PVALB: variants seen among roughly 807,000 people sequenced by gnomAD.
PVALB encodes parvalbumin alpha.
PVALB carries 11 observed loss-of-function variants against 10.9 expected under a neutral mutation model. The ratio of observed to expected loss-of-function variants is 1.01; its 90% confidence interval spans 0.63 to 1.67. The LOEUF (loss-of-function observed/expected upper bound fraction) is 1.67, where lower values mean the gene tolerates loss of function less well. Ranked by LOEUF, PVALB falls within the 40% of genes most tolerant of loss-of-function variation. The pLI is 0.00. For missense variants in PVALB, 131 were observed against 136.2 expected, an observed-to-expected ratio of 0.96 and a Z score of 0.19; for synonymous variants, 57 against 50.7, an observed-to-expected ratio of 1.12 and a Z score of -0.53.
chr22:36,817,077 T>TA, upstream of PVALB: 1 of 1,442,724 alleles, frequency 6.9e-7, no homozygotes, highest in Non-Finnish European at 9.5e-7. Context: ...TTTCTGCTCA[T>TA]ATGACCAGCG....
At chr22:36,811,667 A>C (rs1315943249) in intron 3 of PVALB, 2 of 391,372 alleles carry the variant, frequency 5.1e-6, no homozygotes, top group Non-Finnish European at 1.0e-5. Flanking sequence ...GACCCAGCCC[A>C]GGGCTTCTGA....
chr22:36,802,903 T>G lies in PVALB; in HGVS notation c.305-1985A>C, dbSNP rs1203436621. Among the ~76,000 whole-genome samples, 2 of 152,116 alleles carry G rather than the reference T, an allele frequency of 1.3e-5. 1 individual carries two copies. Among genetic ancestry groups the G allele is most frequent in the Non-Finnish European group, 2.9e-5 (2 of 68,014 alleles). The stretch of plus-strand genomic sequence containing the variant: ...TAAATACCAAAACAACAAATACTCG[T>G]ACAGAATCCCTCCCATAGGGCAGGC... On this transcript the variant is annotated intron_variant, in intron 3 of 3. Transcript: ENST00000417718.
chr22:36,805,156 C>A (rs1159416540), intron 3 of PVALB, among the ~76,000 whole-genome samples: 4 of 152,132 alleles, frequency 2.6e-5, no homozygotes, highest in African/African-American at 4.8e-5. Flanking sequence ...CTAGAAGACG[C>A]CTTTCCAGCT....
At chr22:36,806,644 G>C (rs1274982646) in intron 3 of PVALB, among the ~76,000 whole-genome samples, 1 of 152,128 alleles carries the variant, frequency 6.6e-6, no homozygotes, top group Non-Finnish European at 1.5e-5. Flanking sequence ...ATCTCAAACA[G>C]GGATCACCTT....
At chr22:36,810,173 G>C (rs1345075810) in intron 3 of PVALB, among the ~76,000 whole-genome samples, 2 of 152,342 alleles carry the variant, frequency 1.3e-5, no homozygotes, top group East Asian at 3.9e-4. Context: ...ATGAGCCACT[G>C]CGCCCGGCAT....
upstream of PVALB, chr22:36,818,257 G>A (rs1939180231): frequency 6.6e-6 from 1 of 152,340 alleles, no homozygotes; most frequent in African/African-American, 2.4e-5. Flanking sequence ...GCAACTTAAG[G>A]TATTGGCAGG....
At chr22:36,818,304 G>A (rs1054434202), upstream of PVALB, 7 of 152,402 alleles carry the variant, frequency 4.6e-5, no homozygotes, top group African/African-American at 1.4e-4. Flanking sequence ...CCTGGGTGGT[G>A]GGGACCAGGG....
At chr22:36,811,030 C>G (rs1939037692) in intron 3 of PVALB, among the ~76,000 whole-genome samples, 2 of 152,336 alleles carry the variant, frequency 1.3e-5, no homozygotes, top group Admixed American at 6.5e-5. Context: ...AACCCCAGCA[C>G]TTTGGGAGGC....
intron 3 of PVALB, among the ~76,000 whole-genome samples, chr22:36,802,603 C>CAAA (rs60843863): frequency 1.8e-4 from 5 of 27,768 alleles, no homozygotes; most frequent in Non-Finnish European, 2.2e-4. Flanking sequence ...CCATCTCACA[C>CAAA]AAAAAAAAAA....
chr22:36,813,702 G>T lies in PVALB; in HGVS notation c.248C>A (p.Thr83Asn). ...GTCTCCAGCAGCCATCAGCATCTTG[G>T]TTTCTTTAGCAGACAGGTCTCTGGC... ...PDARDLSAKE[T>N]KMLMAAGDKD... is the part of the protein sequence containing the mutation. The change falls in exon 3 of 4, where the codon ACC becomes AAC. Residue 83 changes from threonine to asparagine, a missense_variant. Coordinates refer to ENST00000417718, the MANE Select transcript of PVALB (RefSeq NM_001315532.2). The T allele has an allele frequency of 6.2e-7, 1 of 1,614,148 alleles. No individual in the cohort carries two copies. The highest frequency in any genetic ancestry group is 1.1e-5 in the South Asian group (1 of 91,076).
At chr22:36,809,031 C>A (rs1458142572) in intron 3 of PVALB, among the ~76,000 whole-genome samples, 1 of 152,140 alleles carries the variant, frequency 6.6e-6, no homozygotes, top group Non-Finnish European at 1.5e-5. Context: ...TCTTCCTACC[C>A]CCTCCCTTCA....
At chr22:36,807,698 G>C (rs762396324) in intron 3 of PVALB, among the ~76,000 whole-genome samples, 2 of 152,186 alleles carry the variant, frequency 1.3e-5, no homozygotes, top group Non-Finnish European at 2.9e-5. Flanking sequence ...TGTCCTGAGA[G>C]AGGAAAAGAT....
intron 3 of PVALB, among the ~76,000 whole-genome samples, chr22:36,805,068 C>T (rs1022064107): frequency 1.3e-5 from 2 of 152,214 alleles, no homozygotes; most frequent in African/African-American, 4.8e-5. Context: ...CTAGTCTTGG[C>T]TTTGCCATCT....
At chr22:36,814,900 G>A (rs564632102) in intron 2 of PVALB, among the ~76,000 whole-genome samples, 6 of 152,138 alleles carry the variant, frequency 3.9e-5, no homozygotes, top group Non-Finnish European at 8.8e-5. Context: ...TTCAGCTGAG[G>A]GTTTTACTCT....
In PVALB at chr22:36,815,211, T is replaced by C; in HGVS notation, c.86A>G (p.Lys29Arg). ...FSATDSFDHKKFFQMVGLKKK... is the reference protein window; with the variant it reads ...FSATDSFDHKRFFQMVGLKKK... ...CTTCAGGCCGACCATTTGGAAGAAC[T>C]TTTTGTGGTCGAAGGAGTCGGTAGC... The change falls in exon 2 of 4, where the codon AAG becomes AGG. Residue 29 changes from lysine (K) to arginine (R), a missense_variant. Transcript: ENST00000417718. 1.9e-6 allele frequency: 3 copies of C among 1,614,136 alleles called. No individual in the cohort carries two copies. The highest frequency in any genetic ancestry group is 2.5e-6 in the Non-Finnish European group (3 of 1,179,986).
intron 3 of PVALB, among the ~76,000 whole-genome samples, chr22:36,812,307 G>A (rs571774413): frequency 4.6e-5 from 7 of 152,170 alleles, no homozygotes; most frequent in Non-Finnish European, 8.8e-5. Context: ...CCTGCTCTGT[G>A]TGGGGTATTG....
chr22:36,809,734 G>A (rs1336659926), intron 3 of PVALB, among the ~76,000 whole-genome samples: 2 of 152,122 alleles, frequency 1.3e-5, no homozygotes, highest in East Asian at 1.9e-4. Flanking sequence ...TCAAGGTCAC[G>A]CAGCTGAGCC....
At chr22:36,811,460 C>T (rs780929445) in intron 3 of PVALB, 1 of 470,572 alleles carries the variant, frequency 2.1e-6, no homozygotes, top group African/African-American at 2.0e-5. Flanking sequence ...GGAAATGGGC[C>T]TGAATTATTT....
At chr22:36,815,479 C>T in intron 1 of PVALB, 3 of 540,700 alleles carry the variant, frequency 5.5e-6, no homozygotes, top group Non-Finnish European at 1.0e-5. Context: ...TCAAGCCCGC[C>T]CCCACGCCCC....
Sources: allele counts gnomAD v4.1 joint callset (sites outside exome capture counted in the v4.1 genomes callset), GRCh38; gene constraint gnomAD v4.1.1; transcripts MANE v1.5; gene names NCBI Gene and HGNC (gene_info 2026-07-23, HGNC 2026-07-21).